TMEM192: variants seen among roughly 807,000 people sequenced by gnomAD.
The protein encoded by TMEM192 is transmembrane protein 192.
TMEM192 carries 20 observed loss-of-function variants against 26.7 expected under a neutral mutation model. The observed-to-expected ratio is 0.75, with a 90% CI of 0.53 to 1.09. The LOEUF (loss-of-function observed/expected upper bound fraction) is 1.09. TMEM192 is among the 50% of genes least tolerant of loss of function. TMEM192 has a pLI of 0.00. For synonymous variants in TMEM192, 124 were observed against 121.0 expected, an observed-to-expected ratio of 1.02 and a Z score of -0.16; for missense variants, 304 against 322.6, an observed-to-expected ratio of 0.94 and a Z score of 0.44.
chr4:165,088,817 T>G (rs935548836), intron 3 of TMEM192, among the ~76,000 whole-genome samples: 1 of 151,590 alleles, frequency 6.6e-6, no homozygotes, highest in Non-Finnish European at 1.5e-5. Context: ...GACAAGAGGA[T>G]TGCTTGAGCC....
In TMEM192 at chr4:165,112,000, T is replaced by C. The variant is rs115748725; in HGVS notation, c.27+747A>G. Among the ~76,000 whole-genome samples the C allele has an allele frequency of 7.3e-3, 1,115 of 152,370 alleles. 7 individuals carry two copies. Among genetic ancestry groups the C allele is most frequent in the South Asian group, 0.029 (141 of 4,832 alleles). On this transcript the variant is annotated intron_variant, in intron 1 of 5. Coordinates refer to ENST00000306480, the MANE Select transcript of TMEM192 (RefSeq NM_001100389.2). ...TTCTCCTAAAAACACCTTACGATAC[T>C]GAAGCAAAGAAATAAGATTTTTGTA...
rs200827928 is a variant in TMEM192 at position 165,100,696 on chromosome 4, C to T, written c.371G>A (p.Arg124Gln). 6.8e-4 allele frequency: 1,100 copies of T among 1,614,040 alleles called. 4 individuals carry two copies. Among genetic ancestry groups the T allele is most frequent in the Admixed American group, 1.6e-3 (94 of 59,986 alleles). ...TGATCGGTAGATCAAGTTATAGCCT[C>T]GGTTTCTGATTTTGCTGTGGTGATA... ...IQYHHSKIRN[R>Q]GYNLIYRSTR... The change falls in exon 3 of 6, where the codon CGA (arginine) becomes CAA (glutamine). Residue 124 changes from arginine (R) to glutamine (Q), a missense_variant. Physicochemically the swap from Arg to Gln is conservative, Grantham distance 43 (BLOSUM62 1). Coordinates refer to ENST00000306480, the MANE Select transcript of TMEM192 (RefSeq NM_001100389.2).
chr4:165,080,174 C>T (rs1434908167), intron 5 of TMEM192, among the ~76,000 whole-genome samples: 1 of 152,130 alleles, frequency 6.6e-6, no homozygotes, highest in African/African-American at 2.4e-5. Context: ...AAATAGACTA[C>T]TCTGACCATG....
At chr4:165,091,089 C>A (rs1257560485) in intron 3 of TMEM192, among the ~76,000 whole-genome samples, 2 of 151,624 alleles carry the variant, frequency 1.3e-5, no homozygotes, top group Non-Finnish European at 2.9e-5. Flanking sequence ...CACAGTGAAA[C>A]CCCGTCCCTA....
intron 4 of TMEM192, 110 bp downstream of exon 4, chr4:165,088,358 C>CCA: frequency 1.9e-6 from 2 of 1,065,004 alleles, no homozygotes; most frequent in Non-Finnish European, 2.7e-6. Flanking sequence ...CATGTGGTCA[C>CCA]CACTCAGATA....
intron 3 of TMEM192, among the ~76,000 whole-genome samples, chr4:165,090,999 C>T (rs1578904093): frequency 6.7e-6 from 1 of 149,864 alleles, no homozygotes; most frequent in Admixed American, 6.7e-5. Flanking sequence ...GGCACGGTGG[C>T]TCAAGCCTGT....
intron 1 of TMEM192, among the ~76,000 whole-genome samples, chr4:165,110,087 A>C (rs1184300661): frequency 6.6e-6 from 1 of 152,214 alleles, no homozygotes; most frequent in African/African-American, 2.4e-5. Flanking sequence ...CCTATAGGAA[A>C]TATGCAGTGT....
At chr4:165,080,340 A>G (rs1382980003) in intron 5 of TMEM192, among the ~76,000 whole-genome samples, 2 of 152,190 alleles carry the variant, frequency 1.3e-5, no homozygotes, top group African/African-American at 4.8e-5. Flanking sequence ...TTCCTACACT[A>G]CTGCCCCAAC....
Position 165,079,510 on chromosome 4 carries a change from A to G in TMEM192, c.*148T>C. ...CAAGCCCTATATTTTAAACAGCCACAGAAGTCAGAACCAAATTCAGGTTTC... is the reference window on the plus strand; with the variant it reads ...CAAGCCCTATATTTTAAACAGCCACGGAAGTCAGAACCAAATTCAGGTTTC... On this transcript the variant is annotated 3_prime_UTR_variant, in exon 6 of 6. Transcript: ENST00000306480. 1 of 841,056 alleles carries G rather than the reference A, an allele frequency of 1.2e-6. No individual in the cohort carries two copies. The highest frequency in any genetic ancestry group is 3.5e-5 in the Admixed American group (1 of 28,494). 52.1% of individuals were successfully genotyped at this position (841,056 alleles called of 1,614,324 possible).
chr4:165,085,766 CCGTT>C (rs1734599970), intron 4 of TMEM192, 78 bp from the exon 5 acceptor site: 1 of 1,073,592 alleles, frequency 9.3e-7, no homozygotes, highest in Non-Finnish European at 1.4e-6. Context: ...TGCTAATTTG[CCGTT>C]CTTATTAACG....
intron 1 of TMEM192, among the ~76,000 whole-genome samples, chr4:165,104,079 C>T (rs1348483264): frequency 2.0e-5 from 3 of 152,098 alleles, no homozygotes; most frequent in African/African-American, 4.8e-5. Flanking sequence ...GCCGAGATTG[C>T]GCCACTGCAC....
chr4:165,112,848 C>T lies in TMEM192; in HGVS notation c.-75G>A, dbSNP rs1272518699. ...GACCTGTAAGCCTCTGGCCGCGAAA[C>T]TCGCCACCTTCTGGGACCTGCCAGG... On this transcript the variant is annotated 5_prime_UTR_variant, in exon 1 of 6. Transcript: ENST00000306480. 1 of 1,561,282 alleles carries T rather than the reference C, an allele frequency of 6.4e-7. No homozygotes were observed. The highest frequency in any genetic ancestry group is 8.6e-7 in the Non-Finnish European group (1 of 1,158,760).
intron 3 of TMEM192, among the ~76,000 whole-genome samples, chr4:165,089,157 T>C (rs1048905354): frequency 2.0e-5 from 3 of 150,718 alleles, no homozygotes; most frequent in African/African-American, 7.3e-5. Flanking sequence ...GTGGACAAAG[T>C]ATGATCTACT....
chr4:165,100,162 C>CT (rs35075062), intron 3 of TMEM192, among the ~76,000 whole-genome samples: 70,229 of 134,712 alleles, frequency 0.52, 19,695 homozygotes, highest in African/African-American at 0.76. Context: ...AATAAAAGTT[C>CT]TTTTTTTTTT....
At chr4:165,088,239 A>G (rs1734671741) in intron 4 of TMEM192, among the ~76,000 whole-genome samples, 1 of 152,188 alleles carries the variant, frequency 6.6e-6, no homozygotes, top group Admixed American at 6.6e-5. Flanking sequence ...TTTTAATGGA[A>G]AAGTTTCACT....
At chr4:165,107,707 A>G (rs1330642628) in intron 1 of TMEM192, among the ~76,000 whole-genome samples, 1 of 152,042 alleles carries the variant, frequency 6.6e-6, no homozygotes, top group Non-Finnish European at 1.5e-5. Context: ...CCCGTCTTTC[A>G]TGAAACACTT....
At position 165,089,265 on chromosome 4, in the gene TMEM192, T is replaced by C. The variant is rs1482251458; in HGVS notation, c.440-663A>G. Among the ~76,000 whole-genome samples, 4 of 151,666 alleles carry C rather than the reference T, an allele frequency of 2.6e-5. No individual in the cohort carries two copies. In the East Asian group the frequency reaches 7.8e-4, roughly 30 times the overall value. ...CCTCACCCCCAACCCTCCTGCCATA[T>C]AGGGCAGGACCCCTCTGAAATAAGG... is the stretch of plus-strand genomic sequence containing the variant. On this transcript the variant is annotated intron_variant, in intron 3 of 5. Transcript: ENST00000306480.
intron 1 of TMEM192, among the ~76,000 whole-genome samples, chr4:165,107,876 A>C (rs560883479): frequency 1.3e-5 from 2 of 152,172 alleles, no homozygotes; most frequent in Admixed American, 1.3e-4. Context: ...TACAAGTTTG[A>C]GCTGGGTCTA....
At chr4:165,086,343 T>C (rs1043622673) in intron 4 of TMEM192, among the ~76,000 whole-genome samples, 1 of 151,546 alleles carries the variant, frequency 6.6e-6, no homozygotes, top group Non-Finnish European at 1.5e-5. Context: ...TGAGGGTGTA[T>C]GGACAAGGGG....
Sources: allele counts gnomAD v4.1 joint callset (sites outside exome capture counted in the v4.1 genomes callset), GRCh38; gene constraint gnomAD v4.1.1; transcripts MANE v1.5; gene names NCBI Gene and HGNC (gene_info 2026-07-23, HGNC 2026-07-21).